The following LYZL6 variants were observed in gnomAD, a reference collection of about 807,000 sequenced individuals.
The protein encoded by LYZL6 is lysozyme like 6.
Under a neutral mutation model 15.0 loss-of-function variants are expected in LYZL6, and 21 were observed. That is an observed-to-expected ratio of 1.40 (90% CI 1.00 to 2.02). The LOEUF (loss-of-function observed/expected upper bound fraction) is 2.02. Ranked by LOEUF, LYZL6 falls within the 30% of genes most tolerant of loss-of-function variation. The pLI is 0.00. For missense variants in LYZL6, 173 were observed against 180.5 expected, an observed-to-expected ratio of 0.96 and a Z score of 0.24; for synonymous variants, 72 against 67.8, an observed-to-expected ratio of 1.06 and a Z score of -0.31.
intron 4 of LYZL6, 54 bp downstream of exon 4, chr17:35,936,701 T>C: frequency 6.6e-7 from 1 of 1,520,518 alleles, no homozygotes; most frequent in Non-Finnish European, 9.1e-7. Context: ...CTTTTCTCTG[T>C]CACGTCCTCC....
intron 1 of LYZL6, among the ~76,000 whole-genome samples, chr17:35,941,174 C>T (rs1291327580): frequency 6.6e-6 from 1 of 152,184 alleles, no homozygotes; most frequent in Non-Finnish European, 1.5e-5. Flanking sequence ...TATCTGTCTT[C>T]TTGACAAAAG....
chr17:35,936,981 C>T (rs1307472617), intron 3 of LYZL6, 148 bp from the exon 4 acceptor site: 5 of 672,246 alleles, frequency 7.4e-6, no homozygotes, highest in South Asian at 1.7e-5. Flanking sequence ...ATTTAGACAT[C>T]CCTACAATGG....
Position 35,943,567 on chromosome 17 carries a change from C to T in LYZL6, c.-203G>A, listed in dbSNP as rs2089439018. ...TGTTCCCACCCCTTCCACAGCTTAC[C>T]TCTCTCCCATCCCTCTCTGACCCTG... On this transcript the variant is annotated splice_region_variant and 5_prime_UTR_variant, in exon 1 of 5. Coordinates refer to ENST00000615905, the MANE Select transcript of LYZL6 (RefSeq NM_020426.4). The T allele has an allele frequency of 6.6e-6, 1 of 152,198 alleles. No individual in the cohort carries two copies. The highest frequency in any genetic ancestry group is 1.5e-5 in the Non-Finnish European group (1 of 68,106). The allele number at this position is 152,198 out of a possible 1,614,324, so 9.4% of individuals were successfully genotyped here. A position where few individuals can be genotyped will look rare whatever the true frequency, so the allele number is the denominator to read the frequency against.
At chr17:35,943,330 C>T (rs1259871762) in intron 1 of LYZL6, among the ~76,000 whole-genome samples, 1 of 152,194 alleles carries the variant, frequency 6.6e-6, no homozygotes, top group African/African-American at 2.4e-5. Flanking sequence ...CTTCTCCCAT[C>T]ATTCTACCCC....
At chr17:35,939,599 T>G in intron 1 of LYZL6, 41 bp from the exon 2 acceptor site, 2 of 320,826 alleles carry the variant, frequency 6.2e-6, no homozygotes, top group Non-Finnish European at 1.1e-5. Flanking sequence ...AACCTCCATA[T>G]ACCCACTTCT....
At chr17:35,934,942 C>A (rs1467665304) in intron 4 of LYZL6, 77 bp from the exon 5 acceptor site, 3 of 1,401,232 alleles carry the variant, frequency 2.1e-6, no homozygotes, top group South Asian at 1.2e-5. Flanking sequence ...CTTGGTGAGT[C>A]TCGCATATGG....
chr17:35,938,625 A>G, intron 2 of LYZL6, among the ~76,000 whole-genome samples: 1 of 151,714 alleles, frequency 6.6e-6, no homozygotes, highest in East Asian at 1.9e-4. Context: ...CTAAAAAAAA[A>G]AAAAAAAGGT....
At chr17:35,942,901 C>T (rs72829980) in intron 1 of LYZL6, among the ~76,000 whole-genome samples, 105 of 152,232 alleles carry the variant, frequency 6.9e-4, no homozygotes, top group Non-Finnish European at 1.2e-3. Flanking sequence ...CCCAGATAAG[C>T]AAGACAAAGA....
chr17:35,934,739 A>C lies in LYZL6; in HGVS notation c.*57T>G. The C allele has an allele frequency of 2.0e-6, 3 of 1,491,980 alleles. No individual in the cohort carries two copies. The South Asian group carries it at 3.4e-5, about 17-fold the overall frequency. The allele number at this position is 1,491,980 out of a possible 1,614,324, so 92.4% of individuals were successfully genotyped here. A position where few individuals can be genotyped will look rare whatever the true frequency, so the allele number is the denominator to read the frequency against. ...AGGCAGTAGGAAGAAGAAATGAAGA[A>C]TCCCTGAGTGAGGACAGGAGTCTTG... On this transcript the variant is annotated 3_prime_UTR_variant, in exon 5 of 5. Transcript: ENST00000615905.
At chr17:35,941,496 T>A (rs11080366) in intron 1 of LYZL6, among the ~76,000 whole-genome samples, 12,221 of 152,226 alleles carry the variant, frequency 0.08, 581 homozygotes, top group East Asian at 0.14. Context: ...TTTGATGATG[T>A]GCAAGTTATC....
intron 4 of LYZL6, among the ~76,000 whole-genome samples, chr17:35,935,477 G>A (rs550894004): frequency 6.6e-6 from 1 of 151,824 alleles, no homozygotes; most frequent in African/African-American, 2.4e-5. Flanking sequence ...GTGCAGTGGC[G>A]CGATCTCAGC....
intron 4 of LYZL6, among the ~76,000 whole-genome samples, chr17:35,935,362 C>T (rs1291601655): frequency 6.6e-6 from 1 of 152,178 alleles, no homozygotes; most frequent in Non-Finnish European, 1.5e-5. Flanking sequence ...TTGGTGAGCT[C>T]ACAGCTATGT....
intron 4 of LYZL6, among the ~76,000 whole-genome samples, chr17:35,936,003 C>T (rs1202996252): frequency 2.0e-5 from 3 of 151,938 alleles, no homozygotes; most frequent in Non-Finnish European, 2.9e-5. Flanking sequence ...TTAACAGAGA[C>T]GGGGCTTCAC....
At chr17:35,937,731 T>C in intron 3 of LYZL6, 27 bp downstream of exon 3, 1 of 1,604,340 alleles carries the variant, frequency 6.2e-7, no homozygotes, top group Non-Finnish European at 8.5e-7. Context: ...TGCTCTCATC[T>C]CTCCCACCCT....
intron 4 of LYZL6, among the ~76,000 whole-genome samples, chr17:35,935,868 C>T (rs1358613467): frequency 6.6e-6 from 1 of 150,672 alleles, no homozygotes; most frequent in Non-Finnish European, 1.5e-5. Context: ...GGCTGGAGTG[C>T]AGTGGCGCGA....
chr17:35,935,683 T>G (rs1333325417), intron 4 of LYZL6, among the ~76,000 whole-genome samples: 1 of 152,152 alleles, frequency 6.6e-6, no homozygotes, highest in Non-Finnish European at 1.5e-5. Context: ...TGGCTAATTT[T>G]TGTATTTTTT....
In LYZL6 at chr17:35,943,552, C is replaced by A. The variant is rs760191; in HGVS notation, c.-203+15G>T. 0.15 allele frequency: 23,086 copies of A among 152,064 alleles called. 1,965 individuals carry two copies. Among genetic ancestry groups the A allele is most frequent in the East Asian group, 0.25 (1,278 of 5,154 alleles). The allele number at this position is 152,064 out of a possible 1,614,324, so 9.4% of individuals were successfully genotyped here. A position where few individuals can be genotyped will look rare whatever the true frequency, so the allele number is the denominator to read the frequency against. The stretch of plus-strand genomic sequence containing the variant: ...TGGCTCCAGAAGGTATGTTCCCACC[C>A]CTTCCACAGCTTACCTCTCTCCCAT... On this transcript the variant is annotated intron_variant, in intron 1 of 4. Transcript: ENST00000615905.
intron 1 of LYZL6, among the ~76,000 whole-genome samples, chr17:35,941,590 T>A (rs2089425010): frequency 6.6e-6 from 1 of 152,100 alleles, no homozygotes; most frequent in East Asian, 1.9e-4. Flanking sequence ...CTGGGACAAT[T>A]AGACCATCAG....
chr17:35,939,488 C>A lies in LYZL6; in HGVS notation c.-132G>T. 2 of 717,276 alleles carry A rather than the reference C, an allele frequency of 2.8e-6. No individual in the cohort carries two copies. The highest frequency in any genetic ancestry group is 5.0e-5 in the South Asian group (2 of 39,874). The allele number at this position is 717,276 out of a possible 1,614,324, so 44.4% of individuals were successfully genotyped here. ...TTTCCTTACTCACTCACTGCTCCAA[C>A]CTGGCTGTTTCCAATCTCTTTTCTC... is the stretch of plus-strand genomic sequence containing the variant. On this transcript the variant is annotated 5_prime_UTR_variant, in exon 2 of 5. Transcript: ENST00000615905.
Sources: allele counts gnomAD v4.1 joint callset (sites outside exome capture counted in the v4.1 genomes callset), GRCh38; gene constraint gnomAD v4.1.1; transcripts MANE v1.5; gene names NCBI Gene and HGNC (gene_info 2026-07-23, HGNC 2026-07-21).